ZBTB7C: variants seen among roughly 807,000 people sequenced by gnomAD.
ZBTB7C encodes the protein zinc finger and BTB domain containing 7C, also known as zinc finger and BTB domain-containing protein 7C.
ZBTB7C carries 8 observed loss-of-function variants against 25.7 expected under a neutral mutation model. The observed-to-expected ratio is 0.31, with a 90% CI of 0.18 to 0.56. The LOEUF (loss-of-function observed/expected upper bound fraction) is 0.56. Ranked by LOEUF, ZBTB7C falls within the 20% of genes least tolerant of loss-of-function variation. The probability of loss-of-function intolerance (pLI) is 0.91; values close to 1 mark genes in which losing one functional copy is unlikely to be tolerated. For missense variants in ZBTB7C, 824 were observed against 855.2 expected (o/e 0.96, Z 0.46); for synonymous variants, 394 against 369.0 (o/e 1.07, Z -0.78).
chr18:48,277,719 A>G (rs1367621441), intron 2 of ZBTB7C, among the ~76,000 whole-genome samples: 1 of 152,212 alleles, frequency 6.6e-6, no homozygotes, highest in Admixed American at 6.5e-5. Flanking sequence ...GGAGGCTCCC[A>G]CAACAGAAAT....
intron 2 of ZBTB7C, among the ~76,000 whole-genome samples, chr18:48,255,869 T>C (rs1051810592): frequency 4.6e-5 from 7 of 152,178 alleles, no homozygotes; most frequent in African/African-American, 1.7e-4. Context: ...TAACAGCAGA[T>C]AAGATTTTGT....
chr18:48,141,141 G>GCC (rs1252993151), intron 3 of ZBTB7C, among the ~76,000 whole-genome samples: 310 of 88,266 alleles, frequency 3.5e-3, no homozygotes, highest in South Asian at 5.4e-3. Flanking sequence ...CATCCCCCCC[G>GCC]CACCACCCCC....
chr18:48,393,090 T>C (rs1216213071), intron 1 of ZBTB7C, among the ~76,000 whole-genome samples: 1 of 152,240 alleles, frequency 6.6e-6, no homozygotes, highest in Non-Finnish European at 1.5e-5. Flanking sequence ...TGCTTTTTGA[T>C]GTGACAATAC....
At chr18:48,223,434 A>G (rs2043009014) in intron 2 of ZBTB7C, among the ~76,000 whole-genome samples, 1 of 152,222 alleles carries the variant, frequency 6.6e-6, no homozygotes, top group African/African-American at 2.4e-5. Context: ...TAGACCACAC[A>G]TGTTTAACAG....
rs188991008 is a variant in ZBTB7C at position 48,344,053 on chromosome 18, C to T, written c.-303-5655G>A. Among the ~76,000 whole-genome samples, 88 of 152,266 alleles carry T rather than the reference C, an allele frequency of 5.8e-4. 3 individuals carry two copies. The South Asian group carries it at 0.015, about 26-fold the overall frequency. On this transcript the variant is annotated intron_variant, in intron 1 of 4. Coordinates refer to ENST00000590800, the MANE Select transcript of ZBTB7C (RefSeq NM_001318841.2). ...AGGCTGGAGTGCAGTGGCACGATCT[C>T]GGCTCACTGCAACCTCCACCTCCCA...
upstream of ZBTB7C, among the ~76,000 whole-genome samples, chr18:48,410,244 G>T (rs1012197589): frequency 1.3e-5 from 2 of 152,126 alleles, no homozygotes; most frequent in Non-Finnish European, 2.9e-5. Context: ...CCGGGGCGCC[G>T]AATCTCAGCG....
chr18:48,078,560 G>A (rs1423212890), intron 3 of ZBTB7C, among the ~76,000 whole-genome samples: 2 of 152,198 alleles, frequency 1.3e-5, no homozygotes, highest in African/African-American at 4.8e-5. Context: ...GGGAGCAGTC[G>A]TGGGATGCTT....
rs1164393372 is a variant in ZBTB7C at position 48,231,536 on chromosome 18, G to A, written c.-78-45541C>T. Among the ~76,000 whole-genome samples, 5 of 152,068 alleles carry A rather than the reference G, an allele frequency of 3.3e-5. 1 individual carries two copies. Among genetic ancestry groups the A allele is most frequent in the Middle Eastern group, 6.3e-3 (2 of 316 alleles). ...ACCTGCCTGTGGAGAGGAACTACAC[G>A]CTGTGGGTCTCCTCTGAGCTGCTCT... On this transcript the variant is annotated intron_variant, in intron 2 of 4. Transcript: ENST00000590800.
chr18:48,161,304 G>C (rs1287954342), intron 3 of ZBTB7C, among the ~76,000 whole-genome samples: 2 of 151,164 alleles, frequency 1.3e-5, no homozygotes, highest in Admixed American at 1.3e-4. Flanking sequence ...AGAGTCCAGG[G>C]AAAGAGCTGG....
chr18:48,168,891 A>T (rs1405809488), intron 3 of ZBTB7C, among the ~76,000 whole-genome samples: 2 of 152,072 alleles, frequency 1.3e-5, no homozygotes, highest in Non-Finnish European at 2.9e-5. Flanking sequence ...CTTGACCCTC[A>T]CCTCTCTGGA....
intron 2 of ZBTB7C, among the ~76,000 whole-genome samples, chr18:48,266,878 G>A (rs2044329743): frequency 6.6e-6 from 1 of 151,800 alleles, no homozygotes; most frequent in Admixed American, 6.6e-5. Flanking sequence ...TTTCAGGCTA[G>A]CAAAAGGAAT....
intron 2 of ZBTB7C, among the ~76,000 whole-genome samples, chr18:48,337,355 G>A (rs913162642): frequency 3.9e-5 from 6 of 152,230 alleles, no homozygotes; most frequent in South Asian, 4.1e-4. Flanking sequence ...CTCATATGAC[G>A]CACACAGCAA....
At chr18:48,044,930 A>G (rs60074782) in intron 3 of ZBTB7C, among the ~76,000 whole-genome samples, 5,168 of 152,318 alleles carry the variant, frequency 0.034, 300 homozygotes, top group African/African-American at 0.12. Context: ...AAGAGCTGAT[A>G]CACAGAGGAT....
chr18:48,153,233 C>T (rs1272103460), intron 3 of ZBTB7C, among the ~76,000 whole-genome samples: 2 of 152,226 alleles, frequency 1.3e-5, no homozygotes, highest in Non-Finnish European at 2.9e-5. Flanking sequence ...AGCCAGGCAA[C>T]ATATAAAAGG....
chr18:48,336,323 C>T lies in ZBTB7C; in HGVS notation c.-79+1851G>A, dbSNP rs184322510. ...CCCAGCCTTCCTGGCTCTCACCCCC[C>T]ACCAGACTGTGAGCTTCTCCAAAAG... On this transcript the variant is annotated intron_variant, in intron 2 of 4. Coordinates refer to ENST00000590800, the MANE Select transcript of ZBTB7C (RefSeq NM_001318841.2). Among the ~76,000 whole-genome samples the T allele has an allele frequency of 1.6e-3, 241 of 152,358 alleles. 2 individuals are homozygous for T. The highest frequency in any genetic ancestry group is 5.5e-3 in the African/African-American group (228 of 41,590).
At chr18:48,236,516 G>C (rs1349381561) in intron 2 of ZBTB7C, among the ~76,000 whole-genome samples, 7 of 152,212 alleles carry the variant, frequency 4.6e-5, no homozygotes, top group Non-Finnish European at 8.8e-5. Context: ...TCAGGATTTC[G>C]TTTGAGCTGG....
intron 1 of ZBTB7C, among the ~76,000 whole-genome samples, chr18:48,344,136 TC>T (rs1346945617): frequency 1.3e-5 from 2 of 152,118 alleles, no homozygotes; most frequent in Admixed American, 1.3e-4. Flanking sequence ...GGCACACACC[TC>T]CACACCCGGC....
chr18:48,311,763 T>C (rs2045826449), intron 2 of ZBTB7C, among the ~76,000 whole-genome samples: 1 of 152,220 alleles, frequency 6.6e-6, no homozygotes, highest in Non-Finnish European at 1.5e-5. Flanking sequence ...ACAGTAAAGA[T>C]ATCAAAGTTA....
At chr18:48,167,465 T>C (rs1219622474) in intron 3 of ZBTB7C, among the ~76,000 whole-genome samples, 1 of 152,130 alleles carries the variant, frequency 6.6e-6, no homozygotes, top group Admixed American at 6.5e-5. Flanking sequence ...CCTGTGGCAC[T>C]AAGGTATGGG....
Sources: gnomAD v4.1 joint callset for allele counts (sites outside exome capture counted in the v4.1 genomes callset) on GRCh38, gnomAD v4.1.1 for gene constraint, MANE v1.5 for transcripts, NCBI Gene and HGNC (gene_info 2026-07-23, HGNC 2026-07-21) for gene names.